Variants in HSF2BP observed in about 807,000 individuals in gnomAD.
The protein encoded by HSF2BP is heat shock factor 2-binding protein.
HSF2BP carries 35 observed loss-of-function variants against 35.0 expected under a neutral mutation model. The ratio of observed to expected loss-of-function variants is 1.00; its 90% CI spans 0.76 to 1.32. HSF2BP has a LOEUF of 1.32. Among genes scored for constraint, HSF2BP ranks in the 40% most tolerant of loss-of-function variants. The pLI is 0.00. For missense variants in HSF2BP, 326 were observed against 321.7 expected (o/e 1.01, Z -0.10); for synonymous variants, 114 against 117.4 (o/e 0.97, Z 0.18).
chr21:43,594,506 A>G (rs2081962134), intron 7 of HSF2BP, among the ~76,000 whole-genome samples: 1 of 152,214 alleles, frequency 6.6e-6, no homozygotes, highest in Admixed American at 6.5e-5. Flanking sequence ...CAAGTATACC[A>G]AATACATCAA....
intron 7 of HSF2BP, among the ~76,000 whole-genome samples, chr21:43,596,378 C>G (rs942107055): frequency 2.5e-4 from 38 of 150,548 alleles, no homozygotes; most frequent in African/African-American, 9.0e-4. Context: ...ACTTGTGATG[C>G]TAGTGAAATA....
chr21:43,607,130 A>C (rs2082144630), intron 7 of HSF2BP, among the ~76,000 whole-genome samples: 1 of 152,086 alleles, frequency 6.6e-6, no homozygotes, highest in Non-Finnish European at 1.5e-5. Context: ...CTCTACAAAA[A>C]ACTACAGAAA....
chr21:43,586,697 A>G (rs908782096), intron 8 of HSF2BP, among the ~76,000 whole-genome samples: 1 of 152,178 alleles, frequency 6.6e-6, no homozygotes, highest in African/African-American at 2.4e-5. Flanking sequence ...GGGTTGAATG[A>G]GTCCAAAGCT....
chr21:43,641,220 C>T (rs763192553), intron 4 of HSF2BP, among the ~76,000 whole-genome samples: 17 of 152,212 alleles, frequency 1.1e-4, no homozygotes, highest in Admixed American at 3.9e-4. Context: ...AGAATGGTCT[C>T]GATCTCCTGA....
At chr21:43,607,422 C>T (rs907693959) in intron 7 of HSF2BP, among the ~76,000 whole-genome samples, 1 of 151,968 alleles carries the variant, frequency 6.6e-6, no homozygotes, top group African/African-American at 2.4e-5. Context: ...AGAAGAACTA[C>T]AGAACACTGC....
chr21:43,646,955 T>C (rs924939585), intron 3 of HSF2BP, among the ~76,000 whole-genome samples: 1 of 152,222 alleles, frequency 6.6e-6, no homozygotes, highest in Non-Finnish European at 1.5e-5. Flanking sequence ...GGGATTTGCA[T>C]AGGTTTTCTT....
chr21:43,633,850 C>T (rs189307566), intron 4 of HSF2BP, among the ~76,000 whole-genome samples: 88 of 152,324 alleles, frequency 5.8e-4, no homozygotes, highest in African/African-American at 2.0e-3. Context: ...ATTGAAAAAA[C>T]GCCATCTGCC....
chr21:43,596,972 C>T (rs902936934), intron 7 of HSF2BP, among the ~76,000 whole-genome samples: 2 of 151,486 alleles, frequency 1.3e-5, no homozygotes, highest in African/African-American at 4.9e-5. Flanking sequence ...CACCAGGCAG[C>T]GACCCTCAAT....
At chr21:43,576,886 C>T (rs2081650805) in intron 8 of HSF2BP, among the ~76,000 whole-genome samples, 1 of 152,174 alleles carries the variant, frequency 6.6e-6, no homozygotes, top group South Asian at 2.1e-4. Flanking sequence ...TTCAGCTAAA[C>T]CATGTGAAAT....
chr21:43,646,094 G>T (rs975111982), intron 3 of HSF2BP, among the ~76,000 whole-genome samples: 2 of 149,818 alleles, frequency 1.3e-5, no homozygotes, highest in Non-Finnish European at 2.9e-5. Flanking sequence ...GAGGTGGGAG[G>T]ATCACTTGAG....
chr21:43,647,822 G>A (rs569611613), intron 3 of HSF2BP, among the ~76,000 whole-genome samples: 33 of 151,748 alleles, frequency 2.2e-4, no homozygotes, highest in Middle Eastern at 3.4e-3. Context: ...CCAGCTACTC[G>A]GGAGGCTGAG....
chr21:43,634,497 C>T (rs1230058679), intron 4 of HSF2BP, among the ~76,000 whole-genome samples: 1 of 152,172 alleles, frequency 6.6e-6, no homozygotes, highest in African/African-American at 2.4e-5. Flanking sequence ...ATATTAAATG[C>T]TGTAGATTTT....
intron 4 of HSF2BP, among the ~76,000 whole-genome samples, chr21:43,635,970 T>G (rs1244622866): frequency 1.5e-5 from 2 of 136,410 alleles, no homozygotes; most frequent in Non-Finnish European, 3.1e-5. Context: ...CCAGGCACAG[T>G]GGCTAATTGT....
chr21:43,572,965 TA>T (rs2081594826), intron 8 of HSF2BP, among the ~76,000 whole-genome samples: 1 of 152,200 alleles, frequency 6.6e-6, no homozygotes, highest in Non-Finnish European at 1.5e-5. Context: ...GAACAGTCAT[TA>T]AATCTGTGAG....
At chr21:43,623,714 A>G (rs1310473051) in intron 6 of HSF2BP, among the ~76,000 whole-genome samples, 1 of 152,144 alleles carries the variant, frequency 6.6e-6, no homozygotes. Context: ...AGTGCCTCAA[A>G]TTATATTTGT....
chr21:43,635,291 C>A (rs2082536544), intron 4 of HSF2BP, among the ~76,000 whole-genome samples: 2 of 152,274 alleles, frequency 1.3e-5, no homozygotes, highest in South Asian at 4.1e-4. Flanking sequence ...CAATCCCTAT[C>A]AAAATCTCAG....
At chr21:43,589,316 T>C (rs1475389566) in intron 8 of HSF2BP, among the ~76,000 whole-genome samples, 1 of 152,208 alleles carries the variant, frequency 6.6e-6, no homozygotes, top group African/African-American at 2.4e-5. Flanking sequence ...TCCTCTGCTC[T>C]TAACACATGA....
intron 8 of HSF2BP, among the ~76,000 whole-genome samples, chr21:43,586,276 G>A (rs1355030133): frequency 3.9e-5 from 6 of 152,162 alleles, no homozygotes; most frequent in Admixed American, 6.5e-5. Context: ...GTAGCTGAAC[G>A]AAGGGAAGAC....
intron 8 of HSF2BP, among the ~76,000 whole-genome samples, chr21:43,576,118 CAAAAAAA>C (rs34954288): frequency 2.6e-5 from 3 of 114,814 alleles, no homozygotes; most frequent in Non-Finnish European, 5.6e-5. Context: ...ATTTTGTCTC[CAAAAAAA>C]AAAAAAAAAA....
Sources: gnomAD v4.1 joint callset for allele counts (sites outside exome capture counted in the v4.1 genomes callset) on GRCh38, gnomAD v4.1.1 for gene constraint, MANE v1.5 for transcripts, NCBI Gene and HGNC (gene_info 2026-07-23, HGNC 2026-07-21) for gene names.